Variants in WDR41 observed in about 807,000 individuals in gnomAD.
The protein encoded by WDR41 is WD repeat domain 41, also known as WD repeat-containing protein 41.
In WDR41, 63 loss-of-function variants were observed where a neutral mutation model predicts 69.3. The ratio of observed to expected loss-of-function variants is 0.91; its 90% CI spans 0.74 to 1.12. The LOEUF is 1.12. WDR41 is among the 50% of genes most tolerant of loss of function. The probability of loss-of-function intolerance (pLI) is 0.00; values close to 1 mark genes in which losing one functional copy is unlikely to be tolerated. For missense variants in WDR41, 543 were observed against 534.5 expected (o/e 1.02, Z -0.16); for synonymous variants, 185 against 192.1 (o/e 0.96, Z 0.31).
chr5:77,473,715 C>G (rs1428383406), intron 2 of WDR41, among the ~76,000 whole-genome samples: 1 of 152,182 alleles, frequency 6.6e-6, no homozygotes, highest in African/African-American at 2.4e-5. Flanking sequence ...CACTGGCCAT[C>G]AGAGAAATGC....
At chr5:77,617,797 TAAAC>T (rs1406613503) in intron 1 of WDR41, among the ~76,000 whole-genome samples, 3 of 152,040 alleles carry the variant, frequency 2.0e-5, no homozygotes, top group South Asian at 2.1e-4. Context: ...TTAGAAAAAA[TAAAC>T]AAAGGTTGAA....
intron 1 of WDR41, among the ~76,000 whole-genome samples, chr5:77,537,897 G>A (rs192270494): frequency 1.3e-5 from 2 of 152,276 alleles, no homozygotes; most frequent in African/African-American, 4.8e-5. Flanking sequence ...GTATAGAATA[G>A]ACGAAAATAT....
chr5:77,456,686 C>T (rs188885274), intron 5 of WDR41, among the ~76,000 whole-genome samples: 1 of 152,100 alleles, frequency 6.6e-6, no homozygotes, highest in East Asian at 1.9e-4. Context: ...TGTCTTTCAC[C>T]ATTTTTAAAA....
chr5:77,464,703 C>A, intron 3 of WDR41, 58 bp downstream of exon 3: 1 of 1,498,894 alleles, frequency 6.7e-7, no homozygotes, highest in African/African-American at 1.4e-5. Flanking sequence ...TATATGAATA[C>A]ATACTCAACT....
intron 8 of WDR41, among the ~76,000 whole-genome samples, chr5:77,448,616 T>C (rs1325961178): frequency 3.3e-5 from 5 of 152,052 alleles, no homozygotes; most frequent in Admixed American, 3.3e-4. Flanking sequence ...ATGCCTGTAA[T>C]CTCAGCACTG....
At chr5:77,503,674 GTC>G (rs1286244400) in intron 1 of WDR41, among the ~76,000 whole-genome samples, 1 of 152,112 alleles carries the variant, frequency 6.6e-6, no homozygotes, top group Non-Finnish European at 1.5e-5. Flanking sequence ...TCAAAAAACT[GTC>G]TCTCAGACCA....
At chr5:77,535,974 A>G (rs1404163628) in intron 1 of WDR41, among the ~76,000 whole-genome samples, 1 of 152,148 alleles carries the variant, frequency 6.6e-6, no homozygotes, top group African/African-American at 2.4e-5. Flanking sequence ...ATTTTTGCCC[A>G]AGGATTTTAC....
At position 77,436,367 on chromosome 5, in the gene WDR41, CT is replaced by C. The variant is rs768848258; in HGVS notation, c.1120del (p.Arg374GlufsTer28). 6.2e-7 allele frequency: 1 copy of C among 1,614,048 alleles called. No homozygotes were observed. The highest frequency in any genetic ancestry group is 1.1e-5 in the South Asian group (1 of 91,068). On this transcript the variant is annotated frameshift_variant, in exon 12 of 13. Coordinates refer to ENST00000296679, the MANE Select transcript of WDR41 (RefSeq NM_018268.4). LOFTEE classifies it high-confidence loss of function. Reference sequence around the variant, plus strand: ...AGGTTGGCTGGCTTGTTTGCTGACTCTTCCAAATCCCCACATGTTAAAAAAA... The same window carrying C: ...AGGTTGGCTGGCTTGTTTGCTGACTCTCCAAATCCCCACATGTTAAAAAAA... ...TGFFNMWGFG[R>X]VSKQASQPVK...
At chr5:77,531,155 T>G (rs960465220) in intron 1 of WDR41, among the ~76,000 whole-genome samples, 1 of 151,850 alleles carries the variant, frequency 6.6e-6, no homozygotes, top group Non-Finnish European at 1.5e-5. Flanking sequence ...ATAGGTAAAT[T>G]GGGCTTCATC....
intron 2 of WDR41, among the ~76,000 whole-genome samples, chr5:77,466,172 T>C (rs1247138633): frequency 6.6e-6 from 1 of 151,990 alleles, no homozygotes; most frequent in Non-Finnish European, 1.5e-5. Flanking sequence ...AAAGAGTTAT[T>C]TTTAAATCCA....
chr5:77,500,036 G>A (rs562831897), intron 1 of WDR41, among the ~76,000 whole-genome samples: 376 of 152,264 alleles, frequency 2.5e-3, no homozygotes, highest in African/African-American at 8.6e-3. Flanking sequence ...AGGTCTAGGA[G>A]TATAAGCCCA....
chr5:77,439,713 G>C (rs1799084452), intron 9 of WDR41, among the ~76,000 whole-genome samples: 1 of 151,796 alleles, frequency 6.6e-6, no homozygotes, highest in Admixed American at 6.6e-5. Flanking sequence ...AGAAAAATTA[G>C]GGAAAACTAT....
intron 9 of WDR41, among the ~76,000 whole-genome samples, chr5:77,439,347 C>T (rs566386424): frequency 3.3e-5 from 5 of 152,314 alleles, no homozygotes; most frequent in African/African-American, 9.6e-5. Context: ...AAGCATGCCC[C>T]CAAGGCTTGC....
chr5:77,585,953 C>G (rs1270242751), intron 1 of WDR41, among the ~76,000 whole-genome samples: 1 of 151,982 alleles, frequency 6.6e-6, no homozygotes, highest in Non-Finnish European at 1.5e-5. Context: ...CCACCTGTAC[C>G]CCAATAACTT....
chr5:77,593,071 G>A (rs1744161558), intron 1 of WDR41, among the ~76,000 whole-genome samples: 1 of 152,184 alleles, frequency 6.6e-6, no homozygotes, highest in South Asian at 2.1e-4. Context: ...AACACCAGGA[G>A]CAAAAGCCCT....
At chr5:77,601,998 T>C (rs1744330830) in intron 1 of WDR41, among the ~76,000 whole-genome samples, 2 of 152,264 alleles carry the variant, frequency 1.3e-5, no homozygotes, top group Admixed American at 6.5e-5. Flanking sequence ...TTTTGAAATA[T>C]ACAAAACATT....
intron 2 of WDR41, among the ~76,000 whole-genome samples, chr5:77,479,254 A>G (rs1177516865): frequency 6.6e-6 from 1 of 151,742 alleles, no homozygotes; most frequent in East Asian, 1.9e-4. Flanking sequence ...TGCCCAAGGT[A>G]ATTTATAGAT....
At chr5:77,485,089 A>G (rs569029162) in intron 2 of WDR41, among the ~76,000 whole-genome samples, 1 of 152,336 alleles carries the variant, frequency 6.6e-6, no homozygotes, top group East Asian at 1.9e-4. Flanking sequence ...ACTTTGTCAC[A>G]TCTGCATCAG....
At chr5:77,448,574 T>G (rs1193344427) in intron 8 of WDR41, among the ~76,000 whole-genome samples, 1 of 151,980 alleles carries the variant, frequency 6.6e-6, no homozygotes, top group Non-Finnish European at 1.5e-5. Flanking sequence ...AAAATACTGC[T>G]TAAAAACAAA....
Sources: gnomAD v4.1 joint callset for allele counts (sites outside exome capture counted in the v4.1 genomes callset) on GRCh38, gnomAD v4.1.1 for gene constraint, MANE v1.5 for transcripts, NCBI Gene and HGNC (gene_info 2026-07-23, HGNC 2026-07-21) for gene names.